KIF18A: variants seen among roughly 807,000 people sequenced by gnomAD.
KIF18A encodes kinesin family member 18A, also known as kinesin-like protein KIF18A.
Under a neutral mutation model 103.3 loss-of-function variants are expected in KIF18A, and 67 were observed. That is an observed-to-expected ratio of 0.65 (90% CI 0.53 to 0.79). KIF18A has a LOEUF of 0.79. KIF18A is among the 30% of genes least tolerant of loss of function. The pLI, the probability that KIF18A is intolerant of heterozygous loss-of-function variation, is 0.00. For synonymous variants in KIF18A, 367 were observed against 355.5 expected, an observed-to-expected ratio of 1.03 and a Z score of -0.36; for missense variants, 1,032 against 1,062.5, an observed-to-expected ratio of 0.97 and a Z score of 0.40.
At chr11:28,036,736 A>G (rs1017103584) in intron 13 of KIF18A, 72 bp from the exon 14 acceptor site, 1 of 863,632 alleles carries the variant, frequency 1.2e-6, no homozygotes, top group Non-Finnish European at 1.7e-6. Flanking sequence ...TTACTTTTAA[A>G]ACTAAGAAAC....
intron 10 of KIF18A, among the ~76,000 whole-genome samples, chr11:28,069,657 T>G (rs1214493857): frequency 6.6e-6 from 1 of 152,118 alleles, no homozygotes; most frequent in Non-Finnish European, 1.5e-5. Context: ...GTTTATGGCT[T>G]TAAGAAATAC....
chr11:28,100,562 G>GC (rs990055195), intron 1 of KIF18A, among the ~76,000 whole-genome samples: 33 of 9,288 alleles, frequency 3.6e-3, no homozygotes, highest in Admixed American at 0.026. Flanking sequence ...TGTGAGTGAA[G>GC]GGGGGGGGTG....
At position 28,083,253 on chromosome 11, in the gene KIF18A, G is replaced by T. The variant is rs1851188061; in HGVS notation, c.1075-10C>A. The stretch of plus-strand genomic sequence containing the variant: ...GAACATTGCTCTTCAACTGTTGAAA[G>T]ATAGAAATTATGATTGTTTATAGAG... On this transcript the variant is annotated splice_polypyrimidine_tract_variant and intron_variant, in intron 7 of 16. Transcript: ENST00000263181. 4 of 1,545,974 alleles carry T rather than the reference G, an allele frequency of 2.6e-6. No homozygotes were observed. Among genetic ancestry groups the T allele is most frequent in the Non-Finnish European group, 3.5e-6 (4 of 1,157,486 alleles).
At chr11:28,074,190 A>G (rs1851060139) in intron 10 of KIF18A, among the ~76,000 whole-genome samples, 1 of 152,010 alleles carries the variant, frequency 6.6e-6, no homozygotes, top group South Asian at 2.1e-4. Context: ...GAAAAGAAGA[A>G]AAACATCTTA....
In KIF18A at chr11:28,062,394, C is replaced by A; in HGVS notation, c.1712+1G>T. The A allele has an allele frequency of 6.2e-7, 1 of 1,604,742 alleles. No individual in the cohort carries two copies. Among genetic ancestry groups the A allele is most frequent in the South Asian group, 1.1e-5 (1 of 89,280 alleles). On this transcript the variant is annotated splice_donor_variant, in intron 12 of 16. Transcript: ENST00000263181. LOFTEE classifies it high-confidence loss of function. ...GAAAATAGGTAAATGTATGTACTCA[C>A]GCTTCAGTCTGCCTGTGTTGCTGTT...
chr11:28,037,293 G>A (rs559216453), intron 13 of KIF18A, among the ~76,000 whole-genome samples: 59 of 151,616 alleles, frequency 3.9e-4, no homozygotes, highest in African/African-American at 1.4e-3. Context: ...GGTATACAGA[G>A]TTGACCCTCA....
intron 1 of KIF18A, among the ~76,000 whole-genome samples, chr11:28,103,738 A>G (rs543402767): frequency 3.4e-4 from 52 of 152,246 alleles, no homozygotes; most frequent in African/African-American, 1.2e-3. Context: ...AGTAGAAGGA[A>G]AAAGAAAATG....
intron 11 of KIF18A, among the ~76,000 whole-genome samples, chr11:28,064,221 T>A (rs921993490): frequency 9.9e-5 from 15 of 151,858 alleles, no homozygotes; most frequent in Admixed American, 3.3e-4. Context: ...TAGAAAAAAA[T>A]TTATCTTTAT....
At chr11:28,105,849 C>T (rs76754572) in intron 1 of KIF18A, among the ~76,000 whole-genome samples, 1 of 152,196 alleles carries the variant, frequency 6.6e-6, no homozygotes, top group East Asian at 1.9e-4. Context: ...TATGTACACT[C>T]TGTCTCATGC....
intron 6 of KIF18A, among the ~76,000 whole-genome samples, chr11:28,085,841 C>T (rs1464059118): frequency 6.6e-6 from 1 of 152,120 alleles, no homozygotes; most frequent in Non-Finnish European, 1.5e-5. Flanking sequence ...TCCCGTAGGG[C>T]TTGACCCTAC....
At chr11:28,024,205 A>AAC (rs1385826378) in intron 15 of KIF18A, among the ~76,000 whole-genome samples, 38 of 151,488 alleles carry the variant, frequency 2.5e-4, no homozygotes, top group African/African-American at 8.7e-4. Context: ...AAAAAAAAAA[A>AAC]AAAAAACTAA....
At chr11:28,024,652 G>A (rs1034730843) in intron 15 of KIF18A, among the ~76,000 whole-genome samples, 1 of 152,090 alleles carries the variant, frequency 6.6e-6, no homozygotes, top group African/African-American at 2.4e-5. Flanking sequence ...CTTGAGTGTA[G>A]AGTAAGAAAG....
intron 6 of KIF18A, among the ~76,000 whole-genome samples, chr11:28,087,803 C>T (rs901818328): frequency 2.0e-5 from 3 of 152,152 alleles, no homozygotes; most frequent in Admixed American, 6.5e-5. Context: ...GATGGTATCT[C>T]ATTGTGGTTT....
chr11:28,053,970 T>G (rs1224400570), intron 13 of KIF18A, among the ~76,000 whole-genome samples: 4 of 151,452 alleles, frequency 2.6e-5, no homozygotes, highest in Non-Finnish European at 5.9e-5. Flanking sequence ...TGATGGGGGT[T>G]AAATCACTTG....
At chr11:28,030,657 C>G (rs1343673560) in intron 15 of KIF18A, among the ~76,000 whole-genome samples, 1 of 151,778 alleles carries the variant, frequency 6.6e-6, no homozygotes, top group South Asian at 2.1e-4. Flanking sequence ...AAAGCAATGG[C>G]AACAAAAGCC....
chr11:28,094,857 T>A (rs1387838374), intron 2 of KIF18A, 57 bp from the exon 3 acceptor site: 11 of 1,508,134 alleles, frequency 7.3e-6, no homozygotes, highest in Non-Finnish European at 1.0e-5. Flanking sequence ...CTCTATTATA[T>A]CTACTATCTA....
At chr11:28,034,748 A>G (rs1850460428) in intron 15 of KIF18A, among the ~76,000 whole-genome samples, 1 of 151,734 alleles carries the variant, frequency 6.6e-6, no homozygotes, top group African/African-American at 2.4e-5. Flanking sequence ...CTTATGCCAT[A>G]AATTGGCAAA....
intron 1 of KIF18A, among the ~76,000 whole-genome samples, 190 bp from the exon 2 acceptor site, chr11:28,098,183 C>T (rs924849404): frequency 6.6e-6 from 1 of 152,138 alleles, no homozygotes; most frequent in Non-Finnish European, 1.5e-5. Context: ...CACATACACA[C>T]ATATGCACTT....
At chr11:28,064,070 T>C (rs1403838550) in intron 11 of KIF18A, among the ~76,000 whole-genome samples, 1 of 151,318 alleles carries the variant, frequency 6.6e-6, no homozygotes, top group Non-Finnish European at 1.5e-5. Flanking sequence ...GAGTTATTTA[T>C]ATATATTAAA....
Sources: allele counts gnomAD v4.1 joint callset (sites outside exome capture counted in the v4.1 genomes callset), GRCh38; gene constraint gnomAD v4.1.1; transcripts MANE v1.5; gene names NCBI Gene and HGNC (gene_info 2026-07-23, HGNC 2026-07-21).